CALN1: variants seen among roughly 807,000 people sequenced by gnomAD.
The protein encoded by CALN1 is calneuron 1, also known as calcium-binding protein 8.
CALN1 carries 17 observed loss-of-function variants against 30.6 expected under a neutral mutation model. The ratio of observed to expected loss-of-function variants is 0.56; its 90% CI spans 0.38 to 0.83. The LOEUF (loss-of-function observed/expected upper bound fraction) is 0.83, where lower values mean the gene tolerates loss of function less well. CALN1 is among the 40% of genes least tolerant of loss of function. The probability of loss-of-function intolerance (pLI) is 0.00; values close to 1 mark genes in which losing one functional copy is unlikely to be tolerated. For synonymous variants in CALN1, 156 were observed against 131.4 expected (o/e 1.19, Z -1.28); for missense variants, 291 against 354.9 (o/e 0.82, Z 1.45).
chr7:72,047,837 A>T (rs844772), intron 4 of CALN1, among the ~76,000 whole-genome samples: 2 of 151,914 alleles, frequency 1.3e-5, no homozygotes, highest in Admixed American at 1.3e-4. Context: ...GTGCAGCTGC[A>T]AACAGAGACA....
intron 5 of CALN1, among the ~76,000 whole-genome samples, chr7:71,811,360 A>C (rs1255581242): frequency 1.3e-5 from 2 of 152,070 alleles, no homozygotes; most frequent in African/African-American, 4.8e-5. Context: ...GACATGAGCC[A>C]CTGCGCCTGT....
intron 1 of CALN1, among the ~76,000 whole-genome samples, chr7:72,429,761 GTA>G (rs143345640): frequency 1.9e-3 from 276 of 147,440 alleles, no homozygotes; most frequent in African/African-American, 6.7e-3. Context: ...ATACACATCT[GTA>G]TATATATATG....
rs1806464811 is a variant in CALN1 at position 72,403,262 on chromosome 7, G to A, written c.108C>T (p.Asp36=). 1 of 1,549,592 alleles carries A rather than the reference G, an allele frequency of 6.5e-7. No homozygotes were observed. The highest frequency in any genetic ancestry group is 2.0e-5 in the Admixed American group (1 of 51,010). The change falls in exon 2 of 7, where the codon GAC becomes GAT. Residue 36 remains aspartate, a synonymous_variant. Transcript: ENST00000395275. ...GGAAGAAGACTTGCCAGGTGGGGAA[G>A]TCGGGGGCCTGGCTCCTCGGCGGCT... is the stretch of plus-strand genomic sequence containing the variant. ...GEEPPRSQAP[D]FPTWEKMPFH...
At chr7:72,414,142 G>A (rs1807348869), upstream of CALN1, among the ~76,000 whole-genome samples, 1 of 152,124 alleles carries the variant, frequency 6.6e-6, no homozygotes, top group Non-Finnish European at 1.5e-5. Context: ...ATTGGAGGCA[G>A]ACCGTGGGAA....
chr7:72,001,619 T>C (rs557608669), intron 5 of CALN1, among the ~76,000 whole-genome samples: 4 of 152,354 alleles, frequency 2.6e-5, no homozygotes, highest in South Asian at 2.1e-4. Context: ...CACTGCCCAC[T>C]TGGCCTTCTT....
At chr7:71,791,280 T>C (rs1793369362) in intron 6 of CALN1, among the ~76,000 whole-genome samples, 1 of 152,198 alleles carries the variant, frequency 6.6e-6, no homozygotes, top group Admixed American at 6.5e-5. Context: ...CATGTGTCTT[T>C]ATGGTAAAGC....
intron 4 of CALN1, among the ~76,000 whole-genome samples, chr7:72,042,705 C>T (rs1283340359): frequency 2.0e-5 from 3 of 152,092 alleles, no homozygotes; most frequent in Non-Finnish European, 2.9e-5. Flanking sequence ...CACTGCACTC[C>T]AGCCTGGGCA....
intron 5 of CALN1, among the ~76,000 whole-genome samples, chr7:71,983,940 TA>T (rs1256253697): frequency 1.3e-5 from 2 of 152,080 alleles, no homozygotes; most frequent in Non-Finnish European, 1.5e-5. Flanking sequence ...AAAGAGACAT[TA>T]ATAAATTATG....
intron 5 of CALN1, among the ~76,000 whole-genome samples, chr7:71,833,256 G>C (rs956826810): frequency 6.6e-6 from 1 of 152,100 alleles, no homozygotes; most frequent in Non-Finnish European, 1.5e-5. Context: ...TTTTTGTTCT[G>C]TCCATGAGAC....
chr7:72,237,087 C>T (rs1273285138), intron 3 of CALN1, among the ~76,000 whole-genome samples: 1 of 150,912 alleles, frequency 6.6e-6, no homozygotes, highest in East Asian at 2.0e-4. Context: ...TGGGTTCAAG[C>T]AATTGTCCTG....
intron 5 of CALN1, among the ~76,000 whole-genome samples, chr7:71,824,377 G>A (rs900547454): frequency 2.0e-5 from 3 of 152,130 alleles, no homozygotes; most frequent in East Asian, 1.9e-4. Context: ...CTTCTCTACC[G>A]TGTTGCATGG....
intron 3 of CALN1, among the ~76,000 whole-genome samples, chr7:72,260,174 G>T (rs1191740537): frequency 1.3e-5 from 2 of 152,166 alleles, no homozygotes; most frequent in Non-Finnish European, 2.9e-5. Context: ...ACTTCAGCCT[G>T]GGAGACAGAG....
At chr7:72,286,475 G>T (rs948815286) in intron 2 of CALN1, among the ~76,000 whole-genome samples, 8 of 152,158 alleles carry the variant, frequency 5.3e-5, no homozygotes, top group Non-Finnish European at 8.8e-5. Context: ...GATTTTTCAT[G>T]CATTGCTTCT....
intron 2 of CALN1, among the ~76,000 whole-genome samples, chr7:72,345,124 T>C (rs1802570975): frequency 6.7e-6 from 1 of 149,486 alleles, no homozygotes; most frequent in Non-Finnish European, 1.5e-5. Context: ...AATTACATAA[T>C]ATATGTATTA....
the CALN1 span, among the ~76,000 whole-genome samples, chr7:72,461,946 T>C: frequency 6.6e-6 from 1 of 151,744 alleles, no homozygotes; most frequent in Non-Finnish European, 1.5e-5. Context: ...AGGTGGAGGT[T>C]GCACTGAGCC....
intron 3 of CALN1, among the ~76,000 whole-genome samples, chr7:72,229,664 C>T (rs1398304652): frequency 6.6e-6 from 1 of 151,954 alleles, no homozygotes; most frequent in African/African-American, 2.4e-5. Flanking sequence ...CCATCATTCT[C>T]AGCCAACTAA....
chr7:71,936,462 C>G (rs796835855), intron 5 of CALN1, among the ~76,000 whole-genome samples: 80 of 151,330 alleles, frequency 5.3e-4, no homozygotes, highest in African/African-American at 1.9e-3. Context: ...GCACTGTACA[C>G]CAAGCTGGAA....
At chr7:72,229,985 C>T (rs900030709) in intron 3 of CALN1, among the ~76,000 whole-genome samples, 10 of 151,478 alleles carry the variant, frequency 6.6e-5, no homozygotes, top group Non-Finnish European at 1.2e-4. Flanking sequence ...TACAAAAATA[C>T]AAAAAATTAG....
chr7:72,423,440 C>T (rs963227230), intron 1 of CALN1, among the ~76,000 whole-genome samples: 1 of 152,186 alleles, frequency 6.6e-6, no homozygotes, highest in Admixed American at 6.5e-5. Flanking sequence ...CACAGCTGTC[C>T]TTAAAGCTGT....
Sources: allele counts gnomAD v4.1 joint callset (sites outside exome capture counted in the v4.1 genomes callset), GRCh38; gene constraint gnomAD v4.1.1; transcripts MANE v1.5; gene names NCBI Gene and HGNC (gene_info 2026-07-23, HGNC 2026-07-21).